Variants in POU2F3 observed in about 807,000 individuals in gnomAD.
POU2F3 encodes POU domain, class 2, transcription factor 3.
POU2F3 carries 23 observed loss-of-function variants against 59.2 expected under a neutral mutation model. That is an observed-to-expected ratio of 0.39 (90% CI 0.28 to 0.55). The LOEUF (loss-of-function observed/expected upper bound fraction) is 0.55, where lower values mean the gene tolerates loss of function less well. Ranked by LOEUF, POU2F3 falls within the 20% of genes least tolerant of loss-of-function variation. The pLI, the probability that POU2F3 is intolerant of heterozygous loss-of-function variation, is 0.66. For missense variants in POU2F3, 473 were observed against 544.5 expected (o/e 0.87, Z 1.31); for synonymous variants, 190 against 214.6 (o/e 0.89, Z 1.00).
At chr11:120,284,446 A>G (rs1940702076) in intron 3 of POU2F3, among the ~76,000 whole-genome samples, 1 of 152,148 alleles carries the variant, frequency 6.6e-6, no homozygotes, top group South Asian at 2.1e-4. Flanking sequence ...AATATTGCCT[A>G]ACCCTACCAC....
rs1941287743 is a variant in POU2F3 at position 120,299,636 on chromosome 11, C to T, written c.271C>T (p.Leu91Phe). 1 of 1,613,572 alleles carries T rather than the reference C, an allele frequency of 6.2e-7. No individual in the cohort carries two copies. The highest frequency in any genetic ancestry group is 8.5e-7 in the Non-Finnish European group (1 of 1,179,860). Residue 91 changes from leucine (L) to phenylalanine (F), a missense_variant, in exon 5 of 13, where the codon CTC becomes TTC. Transcript: ENST00000543440. ...NASPCQDMAS[L>F]HPLQQLVLVP... The stretch of plus-strand genomic sequence containing the variant: ...TCTCCGTGTGTAGGACATGGCTTCC[C>T]TCCATCCGCTCCAGCAGCTTGTGCT...
At chr11:120,264,333 G>A (rs1323290889) in intron 2 of POU2F3, among the ~76,000 whole-genome samples, 1 of 152,198 alleles carries the variant, frequency 6.6e-6, no homozygotes, top group Non-Finnish European at 1.5e-5. Flanking sequence ...GCAGTAAGCT[G>A]AGATCGCACC....
At chr11:120,271,241 G>A (rs1187604283) in intron 3 of POU2F3, among the ~76,000 whole-genome samples, 1 of 152,188 alleles carries the variant, frequency 6.6e-6, no homozygotes, top group Non-Finnish European at 1.5e-5. Flanking sequence ...AGAGAGGAAG[G>A]ACTTCCAGCC....
chr11:120,277,091 T>A (rs1276883617), intron 3 of POU2F3, among the ~76,000 whole-genome samples: 1 of 150,730 alleles, frequency 6.6e-6, no homozygotes, highest in Non-Finnish European at 1.5e-5. Context: ...TACAAAAAAA[T>A]ATTAAAAATA....
chr11:120,293,134 G>T (rs897992215), intron 3 of POU2F3, among the ~76,000 whole-genome samples: 1 of 152,162 alleles, frequency 6.6e-6, no homozygotes, highest in African/African-American at 2.4e-5. Flanking sequence ...TTTTGTAGAA[G>T]TTTGATGCTC....
intron 3 of POU2F3, among the ~76,000 whole-genome samples, chr11:120,294,216 A>G (rs937843501): frequency 6.6e-6 from 1 of 152,244 alleles, no homozygotes; most frequent in African/African-American, 2.4e-5. Context: ...CCCAAGACTC[A>G]GTGTAATACC....
chr11:120,295,628 G>A (rs1941172233), intron 3 of POU2F3, among the ~76,000 whole-genome samples: 1 of 152,194 alleles, frequency 6.6e-6, no homozygotes, highest in African/African-American at 2.4e-5. Context: ...GCTAACACAT[G>A]TTTTCCTGGA....
At chr11:120,290,249 GT>G (rs1264126194) in intron 3 of POU2F3, among the ~76,000 whole-genome samples, 1 of 152,162 alleles carries the variant, frequency 6.6e-6, no homozygotes, top group East Asian at 1.9e-4. Flanking sequence ...CAAATCACAG[GT>G]TTACTCAGGA....
At chr11:120,244,410 TCAG>T (rs1938788113) in intron 1 of POU2F3, among the ~76,000 whole-genome samples, 2 of 152,204 alleles carry the variant, frequency 1.3e-5, no homozygotes, top group African/African-American at 4.8e-5. Context: ...CAGTTTTCAT[TCAG>T]TATTTCATTT....
In POU2F3 at chr11:120,245,228, C is replaced by T. The variant is rs60238139; in HGVS notation, c.29-1221C>T. 0.038 allele frequency among the ~76,000 whole-genome samples: 5,776 copies of T among 152,188 alleles called. 1,056 individuals carry two copies. The East Asian group carries it at 0.61, about 16-fold the overall frequency. On this transcript the variant is annotated intron_variant, in intron 1 of 12. Coordinates refer to ENST00000543440, the MANE Select transcript of POU2F3 (RefSeq NM_014352.4). ...ACACTCCAGAGGTGTACACCTCGGCCGGAGCCACACACGTTAGTCCTCACA... is the reference window on the plus strand; with the variant it reads ...ACACTCCAGAGGTGTACACCTCGGCTGGAGCCACACACGTTAGTCCTCACA...
At chr11:120,274,177 C>T (rs1479067601) in intron 3 of POU2F3, among the ~76,000 whole-genome samples, 1 of 148,174 alleles carries the variant, frequency 6.7e-6, no homozygotes, top group East Asian at 1.9e-4. Flanking sequence ...AAACATAGAG[C>T]CTGGCTGCCT....
intron 5 of POU2F3, 132 bp downstream of exon 5, chr11:120,299,858 C>A (rs768276679): frequency 1.5e-6 from 1 of 679,756 alleles, no homozygotes; most frequent in Non-Finnish European, 2.4e-6. Context: ...TTAAGACCTA[C>A]TTATCCACCC....
chr11:120,241,918 T>C (rs1348356217), intron 1 of POU2F3, among the ~76,000 whole-genome samples: 2 of 152,114 alleles, frequency 1.3e-5, no homozygotes, highest in Non-Finnish European at 2.9e-5. Context: ...TTGGCCTCTA[T>C]GCCTTCCCCA....
chr11:120,269,857 G>A (rs188466190), intron 3 of POU2F3, among the ~76,000 whole-genome samples: 2 of 152,210 alleles, frequency 1.3e-5, no homozygotes, highest in Non-Finnish European at 2.9e-5. Flanking sequence ...GGATGTGGAT[G>A]TGTAAAGAGA....
chr11:120,240,083 C>T (rs1208650380), upstream of POU2F3: 1 of 1,124,328 alleles, frequency 8.9e-7, no homozygotes, highest in African/African-American at 1.6e-5. Context: ...AGGCGCGGGG[C>T]TCCTGCCAGG....
At chr11:120,273,321 T>C (rs941014546) in intron 3 of POU2F3, among the ~76,000 whole-genome samples, 4 of 152,180 alleles carry the variant, frequency 2.6e-5, no homozygotes, top group African/African-American at 9.7e-5. Flanking sequence ...CAACGATGCA[T>C]AGTGAATTCT....
intron 2 of POU2F3, among the ~76,000 whole-genome samples, chr11:120,262,871 C>T (rs983225704): frequency 3.3e-5 from 5 of 152,068 alleles, no homozygotes; most frequent in Admixed American, 6.6e-5. Context: ...CCTAATAAAA[C>T]TTTTGGTTGG....
At chr11:120,236,899 C>G (rs991146262), upstream of POU2F3, among the ~76,000 whole-genome samples, 1 of 152,208 alleles carries the variant, frequency 6.6e-6, no homozygotes, top group Non-Finnish European at 1.5e-5. Flanking sequence ...AGAAACGTCT[C>G]TGCTGAGCCA....
intron 2 of POU2F3, chr11:120,265,457 TGA>T (rs936596399): frequency 3.9e-5 from 6 of 152,154 alleles, no homozygotes; most frequent in Non-Finnish European, 7.3e-5. Flanking sequence ...ACAAGGAAAA[TGA>T]GAGATACCAC....
Sources: gnomAD v4.1 joint callset for allele counts (sites outside exome capture counted in the v4.1 genomes callset) on GRCh38, gnomAD v4.1.1 for gene constraint, MANE v1.5 for transcripts, NCBI Gene and HGNC (gene_info 2026-07-23, HGNC 2026-07-21) for gene names.